The following PIR variants were observed in gnomAD, a reference collection of about 807,000 sequenced individuals.
PIR encodes the protein pirin (iron-binding nuclear protein).
Under a neutral mutation model 24.2 loss-of-function variants are expected in PIR, and 22 were observed. The ratio of observed to expected loss-of-function variants is 0.91; its 90% CI spans 0.65 to 1.30. PIR has a LOEUF of 1.30. Ranked by LOEUF, PIR falls within the 50% of genes most tolerant of loss-of-function variation. PIR has a pLI of 0.00. For missense variants in PIR, 220 were observed against 220.3 expected, an observed-to-expected ratio of 1.00 and a Z score of 0.01; for synonymous variants, 80 against 79.6, an observed-to-expected ratio of 1.00 and a Z score of -0.03.
At chrX:15,444,228 C>T (rs1049720071) in intron 5 of PIR, among the ~76,000 whole-genome samples, 4 of 112,248 alleles carry the variant, frequency 3.6e-5, no homozygotes, top group African/African-American at 1.3e-4. Context: ...GCAACCACCA[C>T]TCTAATCAGT....
At chrX:15,403,986 G>C (rs1370018616) in intron 7 of PIR, among the ~76,000 whole-genome samples, 1 of 92,396 alleles carries the variant, frequency 1.1e-5, no homozygotes, top group African/African-American at 3.9e-5. Context: ...TAAACATCCA[G>C]CATTTTCTTT....
intron 5 of PIR, among the ~76,000 whole-genome samples, chrX:15,444,293 G>T (rs766961151): frequency 8.9e-6 from 1 of 112,083 alleles, no homozygotes. Flanking sequence ...ATTAGGACGC[G>T]CTGGAGGTTC....
At chrX:15,426,880 A>T (rs926449124) in intron 5 of PIR, among the ~76,000 whole-genome samples, 4 of 111,788 alleles carry the variant, frequency 3.6e-5, no homozygotes, top group African/African-American at 1.3e-4. Context: ...CAATATTCCA[A>T]CTCATAGGTG....
At chrX:15,452,516 G>A (rs1313822563) in intron 5 of PIR, among the ~76,000 whole-genome samples, 1 of 111,866 alleles carries the variant, frequency 8.9e-6, no homozygotes, top group East Asian at 2.8e-4. Flanking sequence ...TCATAAAAGC[G>A]ACAGTATCTT....
rs774186300 is a variant in PIR at position 15,397,414 on chromosome X, A to G, written c.693+35T>C. The G allele has an allele frequency of 2.6e-5, 25 of 972,186 alleles. No homozygotes were observed. In the African/African-American group the frequency reaches 4.3e-4, roughly 17 times the overall value. 80.1% of individuals were successfully genotyped at this position (972,186 alleles called of 1,213,427 possible). A position where few individuals can be genotyped will look rare whatever the true frequency, so the allele number is the denominator to read the frequency against. On this transcript the variant is annotated intron_variant, in intron 8 of 9. Transcript: ENST00000380420. The stretch of plus-strand genomic sequence containing the variant: ...TTTCTTGGAAACCAGTAGAAAGTAC[A>G]TGTTAAGAAAGTTAAAGGAAAATAA...
In PIR at chrX:15,403,334, A is replaced by T. The variant is rs1395300613; in HGVS notation, c.610+4172T>A. 2.7e-5 allele frequency among the ~76,000 whole-genome samples: 3 copies of T among 112,505 alleles called. No individual in the cohort carries two copies. In the Admixed American group the frequency reaches 2.8e-4, roughly 11 times the overall value. On this transcript the variant is annotated intron_variant, in intron 7 of 9. Coordinates refer to ENST00000380420, the MANE Select transcript of PIR (RefSeq NM_001018109.3). ...TGTAAGCCAGTTCATTTCACTAAACACAAACAAATGTTTTTAGATTTCTAA... is the reference window on the plus strand; with the variant it reads ...TGTAAGCCAGTTCATTTCACTAAACTCAAACAAATGTTTTTAGATTTCTAA...
rs557594119 is a variant in PIR at position 15,460,673 on chromosome X, A to G, written c.190-933T>C. ...AATTAATAGTAAGTATTATACACTT[A>G]AAATTTCCTAAGAGAGTAACCTTCT... On this transcript the variant is annotated intron_variant, in intron 3 of 9. Coordinates refer to ENST00000380420, the MANE Select transcript of PIR (RefSeq NM_001018109.3). Among the ~76,000 whole-genome samples the G allele has an allele frequency of 3.3e-4, 37 of 111,902 alleles. No homozygotes were observed. The South Asian group carries it at 0.013, about 40-fold the overall frequency.
chrX:15,479,252 C>G (rs1922368881), intron 3 of PIR, among the ~76,000 whole-genome samples: 1 of 110,366 alleles, frequency 9.1e-6, no homozygotes, highest in Non-Finnish European at 1.9e-5. Context: ...TCTTGTAGTT[C>G]TTAGATTGTT....
chrX:15,435,646 T>C (rs1042152801), intron 5 of PIR, among the ~76,000 whole-genome samples: 4 of 111,755 alleles, frequency 3.6e-5, no homozygotes, highest in Non-Finnish European at 7.5e-5. Flanking sequence ...CCCACTCTCG[T>C]GATCTGTTGG....
Position 15,455,914 on chromosome X carries a change from T to A in PIR, c.414A>T (p.Glu138Asp), listed in dbSNP as rs773449841. 1.7e-5 allele frequency: 21 copies of A among 1,208,602 alleles called. No individual in the cohort carries two copies. Residue 138 changes from glutamate (E) to aspartate (D), a missense_variant, in exon 5 of 10, where the codon GAA becomes GAT. Coordinates refer to ENST00000380420, the MANE Select transcript of PIR (RefSeq NM_001018109.3). The part of the protein sequence containing the change: ...EPQYQELKSE[E>D]IPKPSKDGVT... ...CACCATCCTTACTGGGTTTAGGGAT[T>A]TCTTCACTTTTCAGTTCCTGGTACT...
At chrX:15,436,904 T>C (rs1925768504) in intron 5 of PIR, among the ~76,000 whole-genome samples, 1 of 112,121 alleles carries the variant, frequency 8.9e-6, no homozygotes, top group South Asian at 3.7e-4. Context: ...TACGTGATCA[T>C]TTGCAGGATG....
chrX:15,424,178 T>C (rs1220699672), intron 6 of PIR, among the ~76,000 whole-genome samples: 1 of 93,435 alleles, frequency 1.1e-5, no homozygotes, highest in Non-Finnish European at 2.1e-5. Context: ...AAGTGCCCAG[T>C]AATAGATGAA....
chrX:15,410,676 A>G (rs755476492), intron 6 of PIR, among the ~76,000 whole-genome samples: 5 of 111,956 alleles, frequency 4.5e-5, no homozygotes, highest in Non-Finnish European at 7.5e-5. Context: ...GCCTAAGTCA[A>G]TTTACTAAGT....
At chrX:15,412,256 T>A (rs1924767592) in intron 6 of PIR, among the ~76,000 whole-genome samples, 1 of 111,967 alleles carries the variant, frequency 8.9e-6, no homozygotes, top group East Asian at 2.8e-4. Context: ...CTTCTTTCAT[T>A]TGAAACAGTT....
At chrX:15,458,589 T>C (rs1158077849) in intron 4 of PIR, among the ~76,000 whole-genome samples, 2 of 112,017 alleles carry the variant, frequency 1.8e-5, no homozygotes, top group African/African-American at 6.5e-5. Context: ...CAGTGAATAG[T>C]GAATGCACCA....
intron 3 of PIR, among the ~76,000 whole-genome samples, chrX:15,467,251 C>G (rs1921646442): frequency 8.9e-6 from 1 of 112,505 alleles, no homozygotes; most frequent in African/African-American, 3.2e-5. Flanking sequence ...TTAACAATAG[C>G]AGAACAAAGA....
intron 3 of PIR, among the ~76,000 whole-genome samples, chrX:15,473,642 C>T (rs1922043130): frequency 9.0e-6 from 1 of 110,957 alleles, no homozygotes; most frequent in East Asian, 2.8e-4. Flanking sequence ...CTGCAACCTC[C>T]GCCTCCCAGG....
intron 5 of PIR, among the ~76,000 whole-genome samples, chrX:15,436,269 C>T (rs900191868): frequency 1.8e-5 from 2 of 112,073 alleles, no homozygotes; most frequent in Non-Finnish European, 3.8e-5. Context: ...TAGTAATACT[C>T]TTGTCCTTCT....
At position 15,397,906 on chromosome X, in the gene PIR, T is replaced by C. The variant is rs188883701; in HGVS notation, c.611-375A>G. Among the ~76,000 whole-genome samples, 6 of 112,235 alleles carry C rather than the reference T, an allele frequency of 5.3e-5. No individual in the cohort carries two copies. In the East Asian group the frequency reaches 1.7e-3, roughly 31 times the overall value. On this transcript the variant is annotated intron_variant, in intron 7 of 9. Transcript: ENST00000380420. ...TTCATTTCCACAAGTATTAATTGAG[T>C]ACCTACAATTGCCTAGCACTATGGG... is the stretch of plus-strand genomic sequence containing the variant.
Sources: gnomAD v4.1 joint callset for allele counts (sites outside exome capture counted in the v4.1 genomes callset) on GRCh38, gnomAD v4.1.1 for gene constraint, MANE v1.5 for transcripts, NCBI Gene and HGNC (gene_info 2026-07-23, HGNC 2026-07-21) for gene names.